RABGGTB: variants seen among roughly 807,000 people sequenced by gnomAD.
RABGGTB encodes the protein Rab geranylgeranyltransferase subunit beta, also known as geranylgeranyl transferase type-2 subunit beta.
A neutral mutation model predicts 44.5 loss-of-function variants in RABGGTB; 20 were observed. That is an observed-to-expected ratio of 0.45 (90% confidence interval 0.32 to 0.65). RABGGTB has a LOEUF of 0.65. Among genes scored for constraint, RABGGTB ranks in the 30% least tolerant of loss-of-function variants. The pLI is 0.05. For synonymous variants in RABGGTB, 128 were observed against 136.7 expected, an observed-to-expected ratio of 0.94 and a Z score of 0.44; for missense variants, 302 against 398.7, an observed-to-expected ratio of 0.76 and a Z score of 2.06.
upstream of RABGGTB, chr1:75,786,215 G>T (rs1649467579): frequency 2.5e-6 from 4 of 1,610,634 alleles, no homozygotes; most frequent in East Asian, 2.2e-5. Flanking sequence ...CTGCGCAGGC[G>T]CCCGGCTCCT....
Position 75,794,696 on chromosome 1 carries a change from A to T in RABGGTB, c.*46A>T, listed in dbSNP as rs1258644141. The T allele has an allele frequency of 3.4e-6, 5 of 1,469,202 alleles. No individual in the cohort carries two copies. Among genetic ancestry groups the T allele is most frequent in the Non-Finnish European group, 4.6e-6 (5 of 1,097,066 alleles). 91.0% of individuals were successfully genotyped at this position (1,469,202 alleles called of 1,614,324 possible). A position where few individuals can be genotyped will look rare whatever the true frequency, so the allele number is the denominator to read the frequency against. On this transcript the variant is annotated 3_prime_UTR_variant, in exon 9 of 9. Transcript: ENST00000319942. ...CATAGTATAGTTTTGCCATTTTAAC[A>T]TTTCTGTATTTGAAGTGCTTATCGA...
At chr1:75,790,332 C>A in intron 4 of RABGGTB, 2 of 1,225,780 alleles carry the variant, frequency 1.6e-6, no homozygotes, top group Admixed American at 4.3e-5. Context: ...TTAAAAACTA[C>A]TTGCTGGAAA....
At chr1:75,791,389 A>ATTT (rs35837562) in intron 5 of RABGGTB, 52 bp downstream of exon 5, 353 of 1,381,284 alleles carry the variant, frequency 2.6e-4, no homozygotes, top group East Asian at 9.5e-4. Flanking sequence ...ATACTCTGGA[A>ATTT]TTTTTTTTTT....
At chr1:75,790,701 G>A (rs542908286) in intron 4 of RABGGTB, among the ~76,000 whole-genome samples, 1 of 152,108 alleles carries the variant, frequency 6.6e-6, no homozygotes, top group South Asian at 2.1e-4. Context: ...CAGTTGCTGG[G>A]GCTGGAGAGC....
At chr1:75,793,374 G>A (rs1649693494) in intron 7 of RABGGTB, 1 of 152,312 alleles carries the variant, frequency 6.6e-6, no homozygotes, top group African/African-American at 2.4e-5. Flanking sequence ...TGGGATTACA[G>A]GCGTGAGCCA....
rs1415480459 is a variant in RABGGTB at position 75,787,601 on chromosome 1, T to C, written c.108T>C (p.Asp36=). 1.2e-6 allele frequency: 2 copies of C among 1,604,458 alleles called. No individual in the cohort carries two copies. The highest frequency in any genetic ancestry group is 8.5e-7 in the Non-Finnish European group (1 of 1,171,538). ...CATCCTATGGCTCAAAGAAAGATGATTATGTATGTATAATTTTTTTATGTT... is the reference window on the plus strand; with the variant it reads ...CATCCTATGGCTCAAAGAAAGATGACTATGTATGTATAATTTTTTTATGTT... ...YIASYGSKKD[D]YEYCMSEYLR... is the part of the protein sequence containing the mutation. The change falls in exon 2 of 9, where the codon GAT becomes GAC. Residue 36 remains aspartate, a synonymous_variant. Transcript: ENST00000319942.
At chr1:75,786,213 G>A, upstream of RABGGTB, 3 of 1,610,234 alleles carry the variant, frequency 1.9e-6, no homozygotes, top group Middle Eastern at 1.8e-4. Context: ...ATCTGCGCAG[G>A]CGCCCGGCTC....
intron 1 of RABGGTB, chr1:75,787,119 C>G (rs1439330411): frequency 1.9e-6 from 1 of 536,756 alleles, no homozygotes; most frequent in Non-Finnish European, 3.7e-6. Flanking sequence ...TTGATTATTA[C>G]TACTTTAGCT....
chr1:75,787,451 C>G (rs1158617113), intron 1 of RABGGTB, 46 bp from the exon 2 acceptor site: 3 of 1,377,834 alleles, frequency 2.2e-6, no homozygotes, highest in Non-Finnish European at 3.1e-6. Context: ...GGCAGAAGAA[C>G]GTTGTAGAGG....
chr1:75,789,890 A>C, intron 3 of RABGGTB, 62 bp from the exon 4 acceptor site: 1 of 1,241,254 alleles, frequency 8.1e-7, no homozygotes, highest in East Asian at 2.3e-5. Context: ...AAAAGAGTTG[A>C]GCATAAGATC....
chr1:75,790,430 ATAATC>A, intron 4 of RABGGTB: 1 of 1,110,106 alleles, frequency 9.0e-7, no homozygotes, highest in South Asian at 4.1e-5. Context: ...ATAAACGTAG[ATAATC>A]TCTGCTTTAG....
In RABGGTB at chr1:75,791,399, T is replaced by C. The variant is rs1177682028; in HGVS notation, c.468+62T>C. On this transcript the variant is annotated intron_variant, in intron 5 of 8. Coordinates refer to ENST00000319942, the MANE Select transcript of RABGGTB (RefSeq NM_004582.4). ...CATGAATACTCTGGAATTTTTTTTT[T>C]TTTTGAGTCTGATCTGCTGAATACT... 4.4e-6 allele frequency: 7 copies of C among 1,585,114 alleles called. No individual in the cohort carries two copies. In the African/African-American group the frequency reaches 9.5e-5, roughly 22 times the overall value.
chr1:75,788,139 A>C lies in RABGGTB; in HGVS notation c.111+535A>C, dbSNP rs1478348948. ...GATATATGGTATGTATTAATTTTTT[A>C]CTTAAGTGTTAGGTTCCCATAACCT... On this transcript the variant is annotated intron_variant, in intron 2 of 8. Transcript: ENST00000319942. The C allele has an allele frequency of 1.4e-4, 43 of 302,704 alleles. 2 individuals are homozygous for C. The Admixed American group carries it at 1.7e-3, about 12-fold the overall frequency. 18.8% of individuals were successfully genotyped at this position (302,704 alleles called of 1,614,324 possible). A position where few individuals can be genotyped will look rare whatever the true frequency, so the allele number is the denominator to read the frequency against.
At chr1:75,786,387 G>A (rs886327693) in intron 1 of RABGGTB, 113 bp downstream of exon 1, 12 of 1,448,934 alleles carry the variant, frequency 8.3e-6, no homozygotes, top group Non-Finnish European at 1.2e-5. Context: ...AGAATGGTTA[G>A]GACACAGGCC....
At chr1:75,789,570 C>A in intron 3 of RABGGTB, 1 of 754,192 alleles carries the variant, frequency 1.3e-6, no homozygotes, top group Non-Finnish European at 2.4e-6. Context: ...TTTTTATCTT[C>A]AGTATGTGTA....
upstream of RABGGTB, chr1:75,786,223 CCTAAGTCTA>C: frequency 1.2e-6 from 2 of 1,613,420 alleles, no homozygotes; most frequent in Non-Finnish European, 1.7e-6. Context: ...GCGCCCGGCT[CCTAAGTCTA>C]CCCAGGAACT....
rs1649734299 is a variant in RABGGTB at position 75,794,913 on chromosome 1, A to G, written c.*263A>G. ...TTATGTTCAATAACTGAGCTAACAT[A>G]AAATAACTCTAGGTTTCTACTTGAT... is the stretch of plus-strand genomic sequence containing the variant. On this transcript the variant is annotated 3_prime_UTR_variant, in exon 9 of 9. Transcript: ENST00000319942. The G allele has an allele frequency of 5.1e-6, 1 of 197,042 alleles. No individual in the cohort carries two copies. The highest frequency in any genetic ancestry group is 2.4e-5 in the African/African-American group (1 of 42,306). The allele number at this position is 197,042 out of a possible 1,614,324, so 12.2% of individuals were successfully genotyped here. A position where few individuals can be genotyped will look rare whatever the true frequency, so the allele number is the denominator to read the frequency against.
At chr1:75,792,359 G>A (rs1192358305) in intron 7 of RABGGTB, 53 bp downstream of exon 7, 2 of 1,590,554 alleles carry the variant, frequency 1.3e-6, no homozygotes, top group African/African-American at 2.7e-5. Context: ...AGTGAATGCT[G>A]CTGCTTTGTC....
rs1160178062 is a variant in RABGGTB at position 75,794,948 on chromosome 1, A to G, written c.*298A>G. 4 of 194,456 alleles carry G rather than the reference A, an allele frequency of 2.1e-5. No homozygotes were observed. The highest frequency in any genetic ancestry group is 4.2e-5 in the Non-Finnish European group (4 of 94,892). The allele number at this position is 194,456 out of a possible 1,614,324, so 12.0% of individuals were successfully genotyped here. On this transcript the variant is annotated 3_prime_UTR_variant, in exon 9 of 9. Coordinates refer to ENST00000319942, the MANE Select transcript of RABGGTB (RefSeq NM_004582.4). ...TAGGTTTCTACTTGATTTTTCCCCCATGTATACCTTTCATCTGTTCTATAG... is the reference window on the plus strand; with the variant it reads ...TAGGTTTCTACTTGATTTTTCCCCCGTGTATACCTTTCATCTGTTCTATAG...
Sources: gnomAD v4.1 joint callset for allele counts (sites outside exome capture counted in the v4.1 genomes callset) on GRCh38, gnomAD v4.1.1 for gene constraint, MANE v1.5 for transcripts, NCBI Gene and HGNC (gene_info 2026-07-23, HGNC 2026-07-21) for gene names.